Variants in CRTC1 observed in about 807,000 individuals in gnomAD.
CRTC1 encodes the protein CREB regulated transcription coactivator 1.
A neutral mutation model predicts 66.1 loss-of-function variants in CRTC1; 18 were observed. That is an observed-to-expected ratio of 0.27 (90% CI 0.19 to 0.40). The LOEUF is 0.40. Among genes scored for constraint, CRTC1 ranks in the 10% least tolerant of loss-of-function variants. The probability of loss-of-function intolerance (pLI) is 1.00; values close to 1 mark genes in which losing one functional copy is unlikely to be tolerated. For missense variants in CRTC1, 669 were observed against 887.9 expected, an observed-to-expected ratio of 0.75 and a Z score of 3.13; for synonymous variants, 416 against 398.8, an observed-to-expected ratio of 1.04 and a Z score of -0.51.
intron 1 of CRTC1, among the ~76,000 whole-genome samples, chr19:18,699,433 C>G (rs1272754229): frequency 6.6e-6 from 1 of 152,192 alleles, no homozygotes; most frequent in Non-Finnish European, 1.5e-5. Context: ...TAGGATGGCC[C>G]TGGGGCTGCA....
chr19:18,725,008 C>A (rs1272834491), intron 1 of CRTC1, among the ~76,000 whole-genome samples: 1 of 152,016 alleles, frequency 6.6e-6, no homozygotes, highest in Non-Finnish European at 1.5e-5. Context: ...TGGCCCCACC[C>A]AGGAGCGCTC....
chr19:18,724,128 G>A (rs546995097), intron 1 of CRTC1, among the ~76,000 whole-genome samples: 9 of 152,280 alleles, frequency 5.9e-5, no homozygotes, highest in Admixed American at 3.3e-4. Flanking sequence ...GGCGGGAACC[G>A]GCGGGGCGGA....
chr19:18,693,074 CAAAAAAAAAAA>C (rs71168762), intron 1 of CRTC1, among the ~76,000 whole-genome samples: 1 of 69,374 alleles, frequency 1.4e-5, no homozygotes, highest in Non-Finnish European at 2.6e-5. Flanking sequence ...GACTCCGTCT[CAAAAAAAAAAA>C]AAAAAAAAAG....
chr19:18,725,462 C>G (rs534519469), intron 1 of CRTC1, among the ~76,000 whole-genome samples: 2 of 152,280 alleles, frequency 1.3e-5, no homozygotes, highest in East Asian at 3.9e-4. Context: ...CCTAGGAGGC[C>G]TCGGCCACCC....
At chr19:18,734,823 G>A (rs1043381148) in intron 1 of CRTC1, among the ~76,000 whole-genome samples, 3 of 152,218 alleles carry the variant, frequency 2.0e-5, no homozygotes, top group African/African-American at 7.2e-5. Context: ...GGCAGCTCCT[G>A]CTACACAGCA....
chr19:18,725,790 G>A (rs936880939), intron 1 of CRTC1, among the ~76,000 whole-genome samples: 1 of 152,188 alleles, frequency 6.6e-6, no homozygotes, highest in Non-Finnish European at 1.5e-5. Context: ...CAGCCTGCAT[G>A]GTCTCCCTCT....
intron 1 of CRTC1, 42 bp from the exon 2 acceptor site, chr19:18,742,868 G>A: frequency 1.4e-6 from 2 of 1,455,054 alleles, no homozygotes; most frequent in Admixed American, 1.7e-5. Flanking sequence ...AGGTGAGCCT[G>A]GGAGGTGACC....
intron 1 of CRTC1, among the ~76,000 whole-genome samples, chr19:18,735,051 G>A (rs777201697): frequency 3.9e-5 from 6 of 152,226 alleles, no homozygotes; most frequent in Non-Finnish European, 7.3e-5. Flanking sequence ...AGGTGATGGC[G>A]ACGGGCTTCT....
intron 1 of CRTC1, among the ~76,000 whole-genome samples, chr19:18,732,794 A>G (rs937219871): frequency 1.3e-5 from 2 of 152,156 alleles, no homozygotes; most frequent in African/African-American, 4.8e-5. Flanking sequence ...GAAGCCTTTC[A>G]GAATAACTAC....
At chr19:18,700,044 G>A (rs1181046953) in intron 1 of CRTC1, among the ~76,000 whole-genome samples, 1 of 152,150 alleles carries the variant, frequency 6.6e-6, no homozygotes, top group Non-Finnish European at 1.5e-5. Context: ...CAGGAGGGTT[G>A]GCGACGGGAG....
At chr19:18,743,882 C>G (rs1473216172) in intron 2 of CRTC1, among the ~76,000 whole-genome samples, 1 of 152,194 alleles carries the variant, frequency 6.6e-6, no homozygotes, top group Non-Finnish European at 1.5e-5. Context: ...GTTTTCTCCC[C>G]TCCTGCCCTT....
In CRTC1 at chr19:18,775,622, G is replaced by T; in HGVS notation, c.1513-19G>T. 1 of 1,550,998 alleles carries T rather than the reference G, an allele frequency of 6.4e-7. No homozygotes were observed. Among genetic ancestry groups the T allele is most frequent in the Non-Finnish European group, 8.7e-7 (1 of 1,147,132 alleles). On this transcript the variant is annotated intron_variant, in intron 12 of 13. Coordinates refer to ENST00000321949, the MANE Select transcript of CRTC1 (RefSeq NM_015321.3). ...AGGCCCGCGGTGGCCCTCACAGCCT[G>T]GTGTGCCTCCCTTCCCAGCTGGAGC...
chr19:18,766,801 C>G (rs2054747320), intron 9 of CRTC1, among the ~76,000 whole-genome samples: 1 of 152,190 alleles, frequency 6.6e-6, no homozygotes, highest in Non-Finnish European at 1.5e-5. Flanking sequence ...TTTTCATTTT[C>G]TGATTTTAGT....
chr19:18,732,869 C>A (rs1018006014), intron 1 of CRTC1, among the ~76,000 whole-genome samples: 3 of 151,984 alleles, frequency 2.0e-5, no homozygotes, highest in African/African-American at 7.3e-5. Context: ...GCAGGAGGAT[C>A]ACTTGAGGCC....
chr19:18,761,269 C>T (rs2054608752), intron 8 of CRTC1, among the ~76,000 whole-genome samples: 1 of 152,250 alleles, frequency 6.6e-6, no homozygotes, highest in South Asian at 2.1e-4. Context: ...TAGCTGTTGC[C>T]TGCGTCCCCA....
chr19:18,716,331 C>T (rs944001757), intron 1 of CRTC1, among the ~76,000 whole-genome samples: 1 of 152,028 alleles, frequency 6.6e-6, no homozygotes, highest in Non-Finnish European at 1.5e-5. Context: ...CAGCTCACTG[C>T]AGTCTCCACC....
At chr19:18,684,785 C>T (rs1465315800) in intron 1 of CRTC1, among the ~76,000 whole-genome samples, 2 of 152,128 alleles carry the variant, frequency 1.3e-5, no homozygotes, top group East Asian at 3.9e-4. Flanking sequence ...GAGCAGATAC[C>T]CTGCAAATCT....
chr19:18,727,595 A>AAAAAAAAAAAAAG (rs1427991486), intron 1 of CRTC1, among the ~76,000 whole-genome samples: 16 of 149,770 alleles, frequency 1.1e-4, no homozygotes, highest in African/African-American at 3.0e-4. Context: ...AAAAAAAAAA[A>AAAAAAAAAAAAAG]AAGAAGAAGA....
In CRTC1 at chr19:18,765,527, A is replaced by G; in HGVS notation, c.1010A>G (p.Gln337Arg). ...CTGTCCCCGCTGTCACCCATCACTC[A>G]GGTGCGAGGGCAAGGTGGGGGGCAG... The part of the protein sequence containing the change: ...PTLSPLSPIT[Q>R]AVAMDALSLE... Residue 337 changes from glutamine (Q) to arginine (R), a missense_variant and splice_region_variant, in exon 9 of 14, where the codon CAG (glutamine) becomes CGG (arginine). Gln to Arg is a conservative substitution (Grantham distance 43). This residue lies in a region of CRTC1 where 241 missense variants were observed against 242.2 expected (regional missense o/e 0.99). Coordinates refer to ENST00000321949, the MANE Select transcript of CRTC1 (RefSeq NM_015321.3). 1 of 1,601,764 alleles carries G rather than the reference A, an allele frequency of 6.2e-7. No individual in the cohort carries two copies. The highest frequency in any genetic ancestry group is 1.1e-5 in the South Asian group (1 of 90,538).
Sources: allele counts gnomAD v4.1 joint callset (sites outside exome capture counted in the v4.1 genomes callset), GRCh38; gene constraint gnomAD v4.1.1; regional missense constraint gnomAD v4.1.1; transcripts MANE v1.5; gene names NCBI Gene and HGNC (gene_info 2026-07-23, HGNC 2026-07-21).